The following OPCML variants were observed in gnomAD, a reference collection of about 807,000 sequenced individuals.
OPCML encodes the protein opioid-binding protein/cell adhesion molecule.
Under a neutral mutation model 37.8 loss-of-function variants are expected in OPCML, and 13 were observed. The observed-to-expected ratio is 0.34, with a 90% confidence interval of 0.22 to 0.55. The LOEUF (loss-of-function observed/expected upper bound fraction) is 0.55. Among genes scored for constraint, OPCML ranks in the 20% least tolerant of loss-of-function variants. OPCML has a pLI of 0.91. For missense variants in OPCML, 341 were observed against 435.6 expected (o/e 0.78, Z 1.93); for synonymous variants, 176 against 168.8 (o/e 1.04, Z -0.33).
intron 1 of OPCML, among the ~76,000 whole-genome samples, chr11:133,082,306 C>G (rs1303745727): frequency 6.6e-6 from 1 of 151,442 alleles, no homozygotes; most frequent in African/African-American, 2.4e-5. Context: ...GAGCCGGGCT[C>G]CACCCGGCTG....
chr11:132,728,679 T>C (rs1034034349), intron 2 of OPCML, among the ~76,000 whole-genome samples: 1 of 152,168 alleles, frequency 6.6e-6, no homozygotes, highest in Non-Finnish European at 1.5e-5. Flanking sequence ...GAGTAGCTGC[T>C]ACTAAATATT....
At chr11:133,502,677 T>C (rs546984478) in intron 1 of OPCML, among the ~76,000 whole-genome samples, 1 of 152,348 alleles carries the variant, frequency 6.6e-6, no homozygotes, top group South Asian at 2.1e-4. Context: ...AGCCAGATCC[T>C]TTGATTTTCA....
chr11:133,033,621 G>A (rs58959572), intron 1 of OPCML, among the ~76,000 whole-genome samples: 15,836 of 152,144 alleles, frequency 0.1, 1,299 homozygotes, highest in East Asian at 0.3. Flanking sequence ...TAGCTGTCAC[G>A]TTGAAGCTGG....
chr11:133,489,883 T>TAC (rs1947618163), intron 1 of OPCML, among the ~76,000 whole-genome samples: 1 of 151,638 alleles, frequency 6.6e-6, no homozygotes, highest in Non-Finnish European at 1.5e-5. Flanking sequence ...CATATACATA[T>TAC]ACACACACAT....
rs183745850 is a variant in OPCML, at chr11:132,907,337, T to C, written c.146+35589A>G. ...TTCCAGGAATGCTTTTCCTCCTCCA[T>C]TTGTCCTTTGTCTGCTTCAAGAAAT... On this transcript the variant is annotated intron_variant, in intron 2 of 7. Coordinates refer to ENST00000524381, the MANE Select transcript of OPCML (RefSeq NM_001012393.5). Among the ~76,000 whole-genome samples, 275 of 152,202 alleles carry C rather than the reference T, an allele frequency of 1.8e-3. 2 individuals carry two copies. Among genetic ancestry groups the C allele is most frequent in the Admixed American group, 1.6e-3 (24 of 15,284 alleles).
intron 2 of OPCML, among the ~76,000 whole-genome samples, chr11:132,865,017 T>C (rs1311993461): frequency 1.3e-5 from 2 of 152,272 alleles, no homozygotes; most frequent in Non-Finnish European, 2.9e-5. Context: ...CACTTGGGCA[T>C]TAGCTCCGCA....
chr11:133,523,485 C>G (rs1948433233), intron 1 of OPCML, among the ~76,000 whole-genome samples: 1 of 152,182 alleles, frequency 6.6e-6, no homozygotes, highest in Admixed American at 6.5e-5. Context: ...ACAGCCATCT[C>G]CTGCCTGAAC....
intron 1 of OPCML, among the ~76,000 whole-genome samples, chr11:133,019,862 A>G (rs1947416328): frequency 1.3e-5 from 2 of 152,170 alleles, no homozygotes; most frequent in African/African-American, 2.4e-5. Context: ...TTGCCCTCCT[A>G]TGAAGCCCAG....
intron 2 of OPCML, among the ~76,000 whole-genome samples, chr11:132,729,010 G>C (rs1944980659): frequency 1.3e-5 from 2 of 152,126 alleles, no homozygotes; most frequent in African/African-American, 4.8e-5. Flanking sequence ...ACGAGGAGGA[G>C]ATAAAATAAA....
intron 1 of OPCML, among the ~76,000 whole-genome samples, chr11:133,379,019 A>G (rs934838641): frequency 6.6e-6 from 1 of 152,142 alleles, no homozygotes. Flanking sequence ...AGCCTCACAG[A>G]TTGCTGGGAT....
intron 3 of OPCML, among the ~76,000 whole-genome samples, chr11:132,655,217 A>G (rs763597882): frequency 6.6e-6 from 1 of 152,176 alleles, no homozygotes; most frequent in South Asian, 2.1e-4. Context: ...TCGGTGCCAC[A>G]TTTCCTGAAT....
At chr11:133,163,805 G>A (rs572309799) in intron 1 of OPCML, among the ~76,000 whole-genome samples, 130 of 152,222 alleles carry the variant, frequency 8.5e-4, no homozygotes, top group Admixed American at 2.0e-3. Flanking sequence ...TAGCAGCTGC[G>A]GTTCAAATGA....
At chr11:133,375,788 G>A (rs1392729204) in intron 1 of OPCML, among the ~76,000 whole-genome samples, 2 of 152,120 alleles carry the variant, frequency 1.3e-5, no homozygotes, top group Admixed American at 6.5e-5. Context: ...AAGACAGACC[G>A]GTGTCTGTGC....
chr11:133,127,765 G>GA (rs1200923716), intron 1 of OPCML, among the ~76,000 whole-genome samples: 3 of 151,906 alleles, frequency 2.0e-5, no homozygotes, highest in South Asian at 2.1e-4. Flanking sequence ...TAATTAAGAA[G>GA]AAAAAAAGAA....
intron 1 of OPCML, among the ~76,000 whole-genome samples, chr11:133,328,091 A>G (rs550726848): frequency 6.6e-6 from 1 of 152,302 alleles, no homozygotes; most frequent in South Asian, 2.1e-4. Flanking sequence ...GACCTTGGGC[A>G]AATTACTTCT....
intron 1 of OPCML, among the ~76,000 whole-genome samples, chr11:133,193,458 A>C (rs1203199814): frequency 6.6e-6 from 1 of 152,228 alleles, no homozygotes; most frequent in African/African-American, 2.4e-5. Context: ...ACTTGGAAAC[A>C]AGCCAGAAAT....
intron 1 of OPCML, among the ~76,000 whole-genome samples, chr11:133,494,810 A>G (rs984742436): frequency 2.0e-5 from 3 of 150,650 alleles, no homozygotes; most frequent in Non-Finnish European, 4.4e-5. Context: ...AACATGGCAC[A>G]TGTATACATA....
chr11:132,666,185 G>A (rs114840486), intron 2 of OPCML, among the ~76,000 whole-genome samples: 2,022 of 152,256 alleles, frequency 0.013, 34 homozygotes, highest in African/African-American at 0.036. Context: ...AGAGGTTTAC[G>A]TGGCTCACGG....
chr11:133,096,698 G>T (rs1949008911), intron 1 of OPCML, among the ~76,000 whole-genome samples: 1 of 151,964 alleles, frequency 6.6e-6, no homozygotes, highest in Non-Finnish European at 1.5e-5. Flanking sequence ...ATATGCCATG[G>T]TAACACTATT....
Sources: allele counts gnomAD v4.1 joint callset (sites outside exome capture counted in the v4.1 genomes callset), GRCh38; gene constraint gnomAD v4.1.1; transcripts MANE v1.5; gene names NCBI Gene and HGNC (gene_info 2026-07-23, HGNC 2026-07-21).